Variants in FGFR1 observed in about 807,000 individuals in gnomAD.
The protein encoded by FGFR1 is fibroblast growth factor receptor 1.
Under a neutral mutation model 93.7 loss-of-function variants are expected in FGFR1, and 18 were observed. That is an observed-to-expected ratio of 0.19 (90% confidence interval 0.13 to 0.28). The LOEUF is 0.28. Among genes scored for constraint, FGFR1 ranks in the 10% least tolerant of loss-of-function variants. The probability of loss-of-function intolerance (pLI) is 1.00; values close to 1 mark genes in which losing one functional copy is unlikely to be tolerated. For missense variants in FGFR1, 731 were observed against 1,080.4 expected, an observed-to-expected ratio of 0.68 and a Z score of 4.53; for synonymous variants, 448 against 429.3, an observed-to-expected ratio of 1.04 and a Z score of -0.54.
intron 2 of FGFR1, among the ~76,000 whole-genome samples, chr8:38,445,353 G>A (rs1223053431): frequency 6.6e-6 from 1 of 152,186 alleles, no homozygotes; most frequent in Non-Finnish European, 1.5e-5. Flanking sequence ...AGAAAGCCCA[G>A]CTATACATGG....
At chr8:38,464,750 T>C (rs759088545) in intron 1 of FGFR1, among the ~76,000 whole-genome samples, 20 of 152,306 alleles carry the variant, frequency 1.3e-4, no homozygotes, top group South Asian at 2.1e-4. Context: ...GTGAGGCCCT[T>C]TCAGAATAAG....
At chr8:38,430,422 CA>C in intron 2 of FGFR1, 1 of 161,252 alleles carries the variant, frequency 6.2e-6, no homozygotes, top group Non-Finnish European at 1.4e-5. Context: ...CCCCGCCCCT[CA>C]AAACCCCAGC....
intron 1 of FGFR1, among the ~76,000 whole-genome samples, chr8:38,464,134 G>A (rs1013792202): frequency 6.6e-6 from 1 of 151,990 alleles, no homozygotes; most frequent in Non-Finnish European, 1.5e-5. Context: ...GGCCAACATG[G>A]TGAAACACCA....
intron 2 of FGFR1, among the ~76,000 whole-genome samples, chr8:38,438,173 G>A (rs546414012): frequency 5.3e-5 from 8 of 152,202 alleles, no homozygotes; most frequent in South Asian, 2.1e-4. Flanking sequence ...CTATGGATGC[G>A]GAGGCTTACT....
chr8:38,429,224 C>A lies in FGFR1; in HGVS notation c.358+458G>T. The A allele has an allele frequency of 2.2e-6, 1 of 460,968 alleles. No individual in the cohort carries two copies. Among genetic ancestry groups the A allele is most frequent in the South Asian group, 1.6e-5 (1 of 64,276 alleles). 28.6% of individuals were successfully genotyped at this position (460,968 alleles called of 1,614,324 possible). ...AGCTCCAGGGCTCCCTGGCTGCCCTCGCACAGCTCCCTTGCGGTGCACCTG... is the reference window on the plus strand; with the variant it reads ...AGCTCCAGGGCTCCCTGGCTGCCCTAGCACAGCTCCCTTGCGGTGCACCTG... On this transcript the variant is annotated intron_variant, in intron 3 of 17. Coordinates refer to ENST00000447712, the MANE Select transcript of FGFR1 (RefSeq NM_023110.3). The surrounding 1 kb of genome is among the most constrained non-coding windows in gnomAD (Gnocchi z 4.4).
chr8:38,422,835 G>C (rs939859845), intron 7 of FGFR1: 35 of 575,334 alleles, frequency 6.1e-5, no homozygotes, highest in Non-Finnish European at 8.9e-5. Context: ...AAGGCAGAGA[G>C]GGAACCCACA....
At chr8:38,437,695 A>G (rs889872226) in intron 2 of FGFR1, among the ~76,000 whole-genome samples, 1 of 152,210 alleles carries the variant, frequency 6.6e-6, no homozygotes, top group Admixed American at 6.5e-5. Flanking sequence ...CAGAAGGTTC[A>G]TGGGAGAAAA....
rs1814516600 is a variant in FGFR1 at position 38,411,870 on chromosome 8, C to T, written c.*1758G>A. On this transcript the variant is annotated 3_prime_UTR_variant, in exon 18 of 18. Coordinates refer to ENST00000447712, the MANE Select transcript of FGFR1 (RefSeq NM_023110.3). The stretch of plus-strand genomic sequence containing the variant: ...AAGCCAAGATCTGCGACAGTCCCAA[C>T]AAATACAGTCTGGTCACATGGATAC... The T allele has an allele frequency of 4.4e-6, 1 of 228,660 alleles. No individual in the cohort carries two copies. Among genetic ancestry groups the T allele is most frequent in the Non-Finnish European group, 8.7e-6 (1 of 115,050 alleles). 14.2% of individuals were successfully genotyped at this position (228,660 alleles called of 1,614,324 possible).
At chr8:38,463,765 G>A (rs1834924476) in intron 1 of FGFR1, among the ~76,000 whole-genome samples, 1 of 152,162 alleles carries the variant, frequency 6.6e-6, no homozygotes, top group African/African-American at 2.4e-5. Flanking sequence ...GGACAACTTG[G>A]TTCTTCAGAA....
intron 2 of FGFR1, among the ~76,000 whole-genome samples, chr8:38,444,147 T>G (rs937545495): frequency 2.0e-5 from 3 of 151,538 alleles, no homozygotes; most frequent in African/African-American, 7.3e-5. Context: ...AAAAAGTTGA[T>G]GATCCTTTGT....
chr8:38,428,157 C>T (rs1821456726), intron 4 of FGFR1, 64 bp from the exon 5 acceptor site: 1 of 1,606,382 alleles, frequency 6.2e-7, no homozygotes. Context: ...GGCTCAGGAG[C>T]AGGGCCCAGG....
intron 2 of FGFR1, among the ~76,000 whole-genome samples, chr8:38,431,928 T>C (rs372768750): frequency 1.6e-3 from 240 of 152,310 alleles, no homozygotes; most frequent in African/African-American, 5.6e-3. Flanking sequence ...AAAAGCAGTT[T>C]AGACTCAACT....
At chr8:38,463,556 C>T (rs1834883467) in intron 1 of FGFR1, among the ~76,000 whole-genome samples, 1 of 152,028 alleles carries the variant, frequency 6.6e-6, no homozygotes, top group Non-Finnish European at 1.5e-5. Context: ...CGGCACCTAG[C>T]ATGTACACAG....
chr8:38,422,047 T>C (rs1206473380), intron 7 of FGFR1, 106 bp from the exon 8 acceptor site: 3 of 1,312,450 alleles, frequency 2.3e-6, no homozygotes, highest in Non-Finnish European at 3.2e-6. Flanking sequence ...GAGGAAGAAA[T>C]GCTCCCTGAC....
intron 1 of FGFR1, chr8:38,465,717 C>T (rs1835345035): frequency 4.5e-6 from 1 of 221,306 alleles, no homozygotes; most frequent in Non-Finnish European, 9.0e-6. Flanking sequence ...AAGGCGCGTC[C>T]CACGGGGCCC....
intron 1 of FGFR1, among the ~76,000 whole-genome samples, chr8:38,462,691 C>G (rs1235564018): frequency 6.6e-6 from 1 of 151,616 alleles, no homozygotes; most frequent in Non-Finnish European, 1.5e-5. Context: ...CTTGGCTCAA[C>G]CACCGCCTCC....
At chr8:38,440,382 GTT>G (rs1563559265) in intron 2 of FGFR1, 6 of 1,586,566 alleles carry the variant, frequency 3.8e-6, no homozygotes. Context: ...TCCTACAAGG[GTT>G]TGGGTGGAGA....
At chr8:38,443,436 G>C (rs1253924030) in intron 2 of FGFR1, among the ~76,000 whole-genome samples, 4 of 150,922 alleles carry the variant, frequency 2.7e-5, no homozygotes. Context: ...GAGGTGAGAG[G>C]ATTGTTTGAG....
rs748334423 is a variant in FGFR1, at chr8:38,418,020, G to C, written c.1431-29C>G. 4.6e-5 allele frequency: 75 copies of C among 1,614,072 alleles called. 1 individual carries two copies. The East Asian group carries it at 1.6e-3, about 35-fold the overall frequency. On this transcript the variant is annotated intron_variant, in intron 10 of 17. Transcript: ENST00000447712. ...TCGGGGGAAACAGAGAGTGGCATAA[G>C]TTGGGGCTGGTGAAGTTCAAACCTT...
Sources: gnomAD v4.1 joint callset for allele counts (sites outside exome capture counted in the v4.1 genomes callset) on GRCh38, gnomAD v4.1.1 for gene constraint, Gnocchi (gnomAD v3.1) non-coding constraint, MANE v1.5 for transcripts, NCBI Gene and HGNC (gene_info 2026-07-23, HGNC 2026-07-21) for gene names.